TOM1: variants seen among roughly 807,000 people sequenced by gnomAD.
The protein encoded by TOM1 is target of Myb protein 1.
TOM1 carries 38 observed loss-of-function variants against 61.3 expected under a neutral mutation model. The ratio of observed to expected loss-of-function variants is 0.62; its 90% CI spans 0.48 to 0.81. TOM1 has a LOEUF of 0.81. TOM1 is among the 40% of genes least tolerant of loss of function. The pLI is 0.00. For synonymous variants in TOM1, 270 were observed against 268.8 expected (o/e 1.00, Z -0.04); for missense variants, 591 against 659.6 (o/e 0.90, Z 1.14).
rs186130910 is a variant in TOM1, at chr22:35,309,100, A to G, written c.53-8777A>G. Among the ~76,000 whole-genome samples, 4 of 152,226 alleles carry G rather than the reference A, an allele frequency of 2.6e-5. No homozygotes were observed. In the East Asian group the frequency reaches 5.8e-4, roughly 22 times the overall value. On this transcript the variant is annotated intron_variant, in intron 1 of 14. Transcript: ENST00000449058. ...TCTTATGGGGTGCTTGAAATTCTCA[A>G]TCATGTTGTGGTTGATATGTTTGTA...
At chr22:35,343,089 CCTA>C (rs1255964322) in intron 12 of TOM1, among the ~76,000 whole-genome samples, 2 of 137,522 alleles carry the variant, frequency 1.5e-5, no homozygotes, top group Non-Finnish European at 3.1e-5. Context: ...ACACACCACA[CCTA>C]CACACCCATA....
In TOM1 at chr22:35,330,372, T is replaced by C; in HGVS notation, c.791T>C (p.Met264Thr). The C allele has an allele frequency of 6.2e-7, 1 of 1,613,128 alleles. No homozygotes were observed. The highest frequency in any genetic ancestry group is 8.5e-7 in the Non-Finnish European group (1 of 1,179,722). ...GAGCTCAACCGCACGTGCCGAGCCA[T>C]GCAGCAGCGGGTCCTGGAGCTCATC... ...LQELNRTCRA[M>T]QQRVLELIPQ... Residue 264 changes from methionine (M) to threonine (T), a missense_variant, in exon 8 of 15, where the codon ATG becomes ACG. Transcript: ENST00000449058.
At chr22:35,330,253 G>A in intron 7 of TOM1, 94 bp from the exon 8 acceptor site, 2 of 1,357,536 alleles carry the variant, frequency 1.5e-6, no homozygotes, top group East Asian at 2.4e-5. Context: ...CTGCACTCCA[G>A]CCTGGGCGAC....
intron 1 of TOM1, among the ~76,000 whole-genome samples, chr22:35,314,638 G>A (rs1471717185): frequency 6.6e-6 from 1 of 152,182 alleles, no homozygotes; most frequent in Non-Finnish European, 1.5e-5. Context: ...GGGTACTGGG[G>A]ACAGAAGAGG....
At chr22:35,332,935 C>A in intron 8 of TOM1, 46 bp from the exon 9 acceptor site, 2 of 1,604,978 alleles carry the variant, frequency 1.2e-6, no homozygotes, top group South Asian at 1.1e-5. Flanking sequence ...TGTGTGGGGG[C>A]CTGTCTCAGT....
At chr22:35,328,147 T>C (rs1252295675) in intron 7 of TOM1, among the ~76,000 whole-genome samples, 5 of 152,172 alleles carry the variant, frequency 3.3e-5, no homozygotes, top group African/African-American at 1.2e-4. Flanking sequence ...CGTGTCTGTG[T>C]GCCTGACCGA....
chr22:35,326,222 A>T (rs541758741), intron 6 of TOM1, among the ~76,000 whole-genome samples: 1 of 152,362 alleles, frequency 6.6e-6, no homozygotes, highest in South Asian at 2.1e-4. Flanking sequence ...TAACTCAGCC[A>T]CATGATTTAG....
chr22:35,346,784 T>G (rs1930535146), intron 13 of TOM1, 146 bp from the exon 14 acceptor site: 3 of 718,802 alleles, frequency 4.2e-6, no homozygotes, highest in Non-Finnish European at 6.9e-6. Context: ...GTCCAGGTCC[T>G]GGGACCTGGG....
chr22:35,334,007 T>C (rs1929062994), intron 10 of TOM1, among the ~76,000 whole-genome samples: 1 of 152,220 alleles, frequency 6.6e-6, no homozygotes, highest in Admixed American at 6.5e-5. Flanking sequence ...ACTAATGCTA[T>C]ACTTTTTGAA....
intron 1 of TOM1, among the ~76,000 whole-genome samples, chr22:35,301,219 C>T (rs1237625516): frequency 6.6e-6 from 1 of 152,024 alleles, no homozygotes; most frequent in East Asian, 1.9e-4. Flanking sequence ...GCAGGGAGAG[C>T]CCATCTCTTG....
chr22:35,326,819 G>C (rs565941521), intron 6 of TOM1, among the ~76,000 whole-genome samples: 3 of 151,560 alleles, frequency 2.0e-5, no homozygotes, highest in Admixed American at 1.3e-4. Flanking sequence ...GGAGAGAGAG[G>C]GGGGGATCCC....
intron 11 of TOM1, 131 bp downstream of exon 11, chr22:35,334,579 C>T: frequency 3.5e-6 from 4 of 1,128,928 alleles, no homozygotes; most frequent in Non-Finnish European, 1.3e-6. Flanking sequence ...CCTTAGTATC[C>T]CCTAAGTCAG....
At position 35,327,827 on chromosome 22, in the gene TOM1, G is replaced by A. The variant is rs551687320; in HGVS notation, c.765+440G>A. Among the ~76,000 whole-genome samples the A allele has an allele frequency of 2.9e-3, 436 of 152,224 alleles. 3 individuals are homozygous for A. Among genetic ancestry groups the A allele is most frequent in the African/African-American group, 9.9e-3 (413 of 41,544 alleles). ...GAGGGTGGTGCCAGCCTTGAGATGCGCCAGCCACTGATCTTGGGGAGCCAA... is the reference window on the plus strand; with the variant it reads ...GAGGGTGGTGCCAGCCTTGAGATGCACCAGCCACTGATCTTGGGGAGCCAA... On this transcript the variant is annotated intron_variant, in intron 7 of 14. Coordinates refer to ENST00000449058, the MANE Select transcript of TOM1 (RefSeq NM_005488.3).
At position 35,334,465 on chromosome 22, in the gene TOM1, T is replaced by C; in HGVS notation, c.1148+17T>C. 1 of 1,613,458 alleles carries C rather than the reference T, an allele frequency of 6.2e-7. No homozygotes were observed. Among genetic ancestry groups the C allele is most frequent in the East Asian group, 2.2e-5 (1 of 44,868 alleles). On this transcript the variant is annotated intron_variant, in intron 11 of 14. Transcript: ENST00000449058. ...ACGGAAAGAGTGAGTGGCCTGGCCC[T>C]GCCCTGGTCCCCTGCAGTTCGGGTG...
rs763570062 is a variant in TOM1 at position 35,323,562 on chromosome 22, C to A, written c.433C>A (p.Arg145=). The A allele has an allele frequency of 1.2e-6, 2 of 1,614,074 alleles. No individual in the cohort carries two copies. ...TGTGGTCACCATCTATGAGGACCTG[C>A]GGAGGAAAGGCCTGGAGTTCCCCAT... ...TGVVTIYEDL[R]RKGLEFPMTD... The change falls in exon 5 of 15, where the codon CGG becomes AGG. Residue 145 remains arginine (R), a synonymous_variant. Transcript: ENST00000449058. The surrounding 1 kb of genome is among the most constrained non-coding windows in gnomAD (Gnocchi z 4.2).
rs143680802 is a variant in TOM1 at position 35,337,584 on chromosome 22, G to A, written c.1149-1129G>A. Among the ~76,000 whole-genome samples, 209 of 152,350 alleles carry A rather than the reference G, an allele frequency of 1.4e-3. 1 individual carries two copies. Among genetic ancestry groups the A allele is most frequent in the African/African-American group, 5.0e-3 (206 of 41,580 alleles). On this transcript the variant is annotated intron_variant, in intron 11 of 14. Transcript: ENST00000449058. ...CAGCAGCACTCTTCAAAATGACTGC[G>A]TGGGAACTGGGGGTCATATTCAAGA...
chr22:35,323,977 GC>G lies in TOM1; in HGVS notation c.648+68del. Reference sequence around the variant, plus strand: ...AGGTGGGCCACACACGTCAGGGAGGGCCCCCTGTCAGAATTTACCATCCACG... The same window carrying G: ...AGGTGGGCCACACACGTCAGGGAGGGCCCCTGTCAGAATTTACCATCCACG... On this transcript the variant is annotated intron_variant, in intron 6 of 14. Transcript: ENST00000449058. The surrounding 1 kb of genome is among the most constrained non-coding windows in gnomAD (Gnocchi z 4.2). 6.7e-7 allele frequency: 1 copy of G among 1,496,572 alleles called. No homozygotes were observed. Among genetic ancestry groups the G allele is most frequent in the Non-Finnish European group, 8.9e-7 (1 of 1,120,310 alleles). 92.7% of individuals were successfully genotyped at this position (1,496,572 alleles called of 1,614,324 possible). A position where few individuals can be genotyped will look rare whatever the true frequency, so the allele number is the denominator to read the frequency against.
intron 1 of TOM1, among the ~76,000 whole-genome samples, chr22:35,307,818 C>T (rs927158415): frequency 1.3e-5 from 2 of 152,168 alleles, no homozygotes; most frequent in Non-Finnish European, 2.9e-5. Flanking sequence ...ACTGTTTGAA[C>T]TTGTTTGTGT....
chr22:35,339,712 G>A (rs1403370079), intron 12 of TOM1, among the ~76,000 whole-genome samples: 3 of 151,872 alleles, frequency 2.0e-5, no homozygotes, highest in Admixed American at 6.6e-5. Flanking sequence ...AGACCATCCC[G>A]GCTAAAACGG....
Sources: allele counts gnomAD v4.1 joint callset (sites outside exome capture counted in the v4.1 genomes callset), GRCh38; gene constraint gnomAD v4.1.1; non-coding constraint Gnocchi (gnomAD v3.1); transcripts MANE v1.5; gene names NCBI Gene and HGNC (gene_info 2026-07-23, HGNC 2026-07-21).